Variants in FUBP3 observed in about 807,000 individuals in gnomAD.
FUBP3 encodes far upstream element binding protein 3.
In FUBP3, 28 loss-of-function variants were observed where a neutral mutation model predicts 85.6. The ratio of observed to expected loss-of-function variants is 0.33; its 90% CI spans 0.24 to 0.45. FUBP3 has a LOEUF of 0.45. Ranked by LOEUF, FUBP3 falls within the 20% of genes least tolerant of loss-of-function variation. The probability of loss-of-function intolerance (pLI) is 1.00; values close to 1 mark genes in which losing one functional copy is unlikely to be tolerated. For synonymous variants in FUBP3, 271 were observed against 271.4 expected, an observed-to-expected ratio of 1.00 and a Z score of 0.01; for missense variants, 583 against 755.1, an observed-to-expected ratio of 0.77 and a Z score of 2.67.
chr9:130,604,644 G>A (rs959257159), intron 2 of FUBP3, among the ~76,000 whole-genome samples: 1 of 152,202 alleles, frequency 6.6e-6, no homozygotes, highest in Non-Finnish European at 1.5e-5. Context: ...GCTCATGCTT[G>A]TAATCCCCTT....
intron 17 of FUBP3, 115 bp downstream of exon 17, chr9:130,634,853 G>A: frequency 1.3e-6 from 1 of 795,218 alleles, no homozygotes; most frequent in Non-Finnish European, 2.1e-6. Context: ...TGTGTGGCTT[G>A]ATCTCATTAT....
At chr9:130,593,376 G>A (rs1170575967) in intron 1 of FUBP3, among the ~76,000 whole-genome samples, 1 of 152,214 alleles carries the variant, frequency 6.6e-6, no homozygotes, top group East Asian at 1.9e-4. Flanking sequence ...CCATCACACA[G>A]TAGGTACTTA....
At position 130,606,556 on chromosome 9, in the gene FUBP3, C is replaced by T. The variant is rs557751849; in HGVS notation, c.191-3398C>T. 6.6e-5 allele frequency among the ~76,000 whole-genome samples: 10 copies of T among 152,226 alleles called. No homozygotes were observed. The East Asian group carries it at 7.7e-4, about 12-fold the overall frequency. ...GCTGATGTGGCCGGGCGCGGTGGCT[C>T]ACGCCTGTAATCCCAGCACTTTGGG... On this transcript the variant is annotated intron_variant, in intron 2 of 18. Coordinates refer to ENST00000319725, the MANE Select transcript of FUBP3 (RefSeq NM_003934.2).
intron 1 of FUBP3, among the ~76,000 whole-genome samples, chr9:130,594,620 G>C (rs889509049): frequency 6.6e-6 from 1 of 152,042 alleles, no homozygotes. Context: ...TTAGCTGGAC[G>C]TGGTGGTGCG....
At position 130,612,439 on chromosome 9, in the gene FUBP3, A is replaced by G. The variant is rs774985130; in HGVS notation, c.225-17A>G. ...TCTGTATTCTGTATTTTTTTCCAAA[A>G]TGTTCTTTGTTTTTAGGACGGTAAT... is the stretch of plus-strand genomic sequence containing the variant. On this transcript the variant is annotated splice_polypyrimidine_tract_variant and intron_variant, in intron 3 of 18. Coordinates refer to ENST00000319725, the MANE Select transcript of FUBP3 (RefSeq NM_003934.2). This position sits in a 1 kb window ranked among gnomAD's most constrained non-coding sequence, Gnocchi z 4.1. The G allele has an allele frequency of 1.3e-6, 2 of 1,562,782 alleles. No homozygotes were observed. Among genetic ancestry groups the G allele is most frequent in the African/African-American group, 1.4e-5 (1 of 73,496 alleles).
chr9:130,589,334 A>ATTAT (rs571009997), intron 1 of FUBP3, among the ~76,000 whole-genome samples: 274 of 150,870 alleles, frequency 1.8e-3, no homozygotes, highest in Middle Eastern at 6.8e-3. Flanking sequence ...TTAAATTTAC[A>ATTAT]TTATTTATTT....
intron 1 of FUBP3, among the ~76,000 whole-genome samples, chr9:130,589,695 ATATATATATATTTTTTTT>A (rs1564190911): frequency 3.3e-5 from 1 of 29,992 alleles, no homozygotes; most frequent in East Asian, 1.4e-3. Flanking sequence ...ATATATATAT[ATATATATATATTTTTTTT>A]TTTTTTTTTT....
At chr9:130,613,179 AAGG>A in intron 5 of FUBP3, 152 bp downstream of exon 5, 1 of 621,508 alleles carries the variant, frequency 1.6e-6, no homozygotes, top group Non-Finnish European at 2.9e-6. Context: ...TGAGAACCAG[AAGG>A]ATCAGAGCAA....
chr9:130,621,329 A>C (rs1444361058), intron 9 of FUBP3, among the ~76,000 whole-genome samples: 2 of 152,192 alleles, frequency 1.3e-5, no homozygotes, highest in East Asian at 3.9e-4. Flanking sequence ...ACCAAAACAA[A>C]AAAAAAAGTA....
At chr9:130,624,585 A>G (rs1829887224) in intron 11 of FUBP3, among the ~76,000 whole-genome samples, 1 of 150,926 alleles carries the variant, frequency 6.6e-6, no homozygotes. Context: ...AAATTCATAA[A>G]CTTTCTTAAA....
At position 130,612,600 on chromosome 9, in the gene FUBP3, T is replaced by G; in HGVS notation, c.274+95T>G. ...GCTTTGCCAGGATGTTCTTTTTGTT[T>G]TAATCTCTCTTGTGAGTATCACCTG... On this transcript the variant is annotated intron_variant, in intron 4 of 18. Coordinates refer to ENST00000319725, the MANE Select transcript of FUBP3 (RefSeq NM_003934.2). The surrounding 1 kb of genome is among the most constrained non-coding windows in gnomAD (Gnocchi z 4.1). The G allele has an allele frequency of 1.2e-6, 1 of 817,714 alleles. No individual in the cohort carries two copies. The allele number at this position is 817,714 out of a possible 1,614,324, so 50.7% of individuals were successfully genotyped here.
chr9:130,632,567 C>CT (rs1361205892), intron 16 of FUBP3, among the ~76,000 whole-genome samples: 1 of 152,234 alleles, frequency 6.6e-6, no homozygotes, highest in Non-Finnish European at 1.5e-5. Flanking sequence ...GCCTCTGTCA[C>CT]TTTCGTTCCC....
rs374978788 is a variant in FUBP3, at chr9:130,616,361, C to T, written c.411C>T (p.Ala137=). ...LTGTPESIEQ[A]KRLLGQIVDR... ...GTTCTTTTCCCTCCCAAAGACAAGC[C>T]AAACGGCTCCTGGGACAGATTGTGG... The change falls in exon 7 of 19, where the codon GCC becomes GCT. Residue 137 remains alanine (A), a synonymous_variant. Transcript: ENST00000319725. This position sits in a 1 kb window ranked among gnomAD's most constrained non-coding sequence, Gnocchi z 4.7. The T allele has an allele frequency of 1.0e-4, 164 of 1,613,940 alleles. 1 individual carries two copies. The highest frequency in any genetic ancestry group is 1.3e-4 in the Non-Finnish European group (151 of 1,179,946).
At chr9:130,617,518 T>C (rs1480337809) in intron 7 of FUBP3, among the ~76,000 whole-genome samples, 2 of 152,224 alleles carry the variant, frequency 1.3e-5, no homozygotes, top group African/African-American at 4.8e-5. Flanking sequence ...GTGTGCCAAG[T>C]GCCTGGCATT....
chr9:130,603,364 A>C (rs1831260529), intron 2 of FUBP3, among the ~76,000 whole-genome samples: 3 of 146,158 alleles, frequency 2.1e-5, no homozygotes, highest in Admixed American at 6.7e-5. Context: ...AAAAAAAAAA[A>C]AAAACAAATA....
In FUBP3 at chr9:130,579,649, C is replaced by A. The variant is rs1490701338; in HGVS notation, c.-32C>A. The A allele has an allele frequency of 3.4e-6, 4 of 1,186,078 alleles. No homozygotes were observed. Among genetic ancestry groups the A allele is most frequent in the African/African-American group, 3.2e-5 (2 of 63,280 alleles). 73.5% of individuals were successfully genotyped at this position (1,186,078 alleles called of 1,614,324 possible). On this transcript the variant is annotated 5_prime_UTR_variant, in exon 1 of 19. Coordinates refer to ENST00000319725, the MANE Select transcript of FUBP3 (RefSeq NM_003934.2). Reference sequence around the variant, plus strand: ...AGCCGAGCGGCGGCGTCGGCGGCGTCGGCGGCGGCGGCGACGGCGGCGGGG... The same window carrying A: ...AGCCGAGCGGCGGCGTCGGCGGCGTAGGCGGCGGCGGCGACGGCGGCGGGG...
At chr9:130,600,041 C>T (rs76311907) in intron 2 of FUBP3, among the ~76,000 whole-genome samples, 2 of 151,996 alleles carry the variant, frequency 1.3e-5, no homozygotes, top group Non-Finnish European at 2.9e-5. Context: ...TGACTTTCTT[C>T]GGGGCTCAGC....
At chr9:130,622,319 CCAAAAAAAA>C (rs1829787970) in intron 9 of FUBP3, among the ~76,000 whole-genome samples, 1 of 121,054 alleles carries the variant, frequency 8.3e-6, no homozygotes, top group African/African-American at 3.7e-5. Context: ...GACTCCATCT[CCAAAAAAAA>C]AAAAAAAAAA....
chr9:130,587,053 TTG>T (rs1830372595), intron 1 of FUBP3, among the ~76,000 whole-genome samples: 1 of 91,100 alleles, frequency 1.1e-5, no homozygotes, highest in East Asian at 9.3e-4. Flanking sequence ...CCGGCGTTTT[TTG>T]TTTTTTTTTT....
Sources: allele counts gnomAD v4.1 joint callset (sites outside exome capture counted in the v4.1 genomes callset), GRCh38; gene constraint gnomAD v4.1.1; non-coding constraint Gnocchi (gnomAD v3.1); transcripts MANE v1.5; gene names NCBI Gene and HGNC (gene_info 2026-07-23, HGNC 2026-07-21).